Variants in CSMD3 observed in about 807,000 individuals in gnomAD.
CSMD3 encodes CUB and sushi domain-containing protein 3.
Under a neutral mutation model 435.2 loss-of-function variants are expected in CSMD3, and 177 were observed. The observed-to-expected ratio is 0.41, with a 90% CI of 0.36 to 0.46. CSMD3 has a LOEUF of 0.46. Among genes scored for constraint, CSMD3 ranks in the 20% least tolerant of loss-of-function variants. The pLI is 0.34. For synonymous variants in CSMD3, 1,656 were observed against 1,520.5 expected, an observed-to-expected ratio of 1.09 and a Z score of -2.07; for missense variants, 4,265 against 4,504.6, an observed-to-expected ratio of 0.95 and a Z score of 1.52.
chr8:112,945,603 T>TGC (rs1282567939), intron 9 of CSMD3, among the ~76,000 whole-genome samples: 1 of 150,510 alleles, frequency 6.6e-6, no homozygotes, highest in African/African-American at 2.5e-5. Context: ...TGTGTGTGTG[T>TGC]GTGTGTGTGT....
chr8:112,535,826 A>G (rs1280608813), intron 27 of CSMD3, among the ~76,000 whole-genome samples: 3 of 152,190 alleles, frequency 2.0e-5, no homozygotes, highest in Non-Finnish European at 2.9e-5. Context: ...AAACAGAGAT[A>G]TAGATCAATG....
chr8:113,147,482 T>C (rs1229447685), intron 4 of CSMD3, among the ~76,000 whole-genome samples: 1 of 151,660 alleles, frequency 6.6e-6, no homozygotes, highest in Non-Finnish European at 1.5e-5. Flanking sequence ...GATCTTAGTA[T>C]TTTGGATCTC....
At chr8:112,996,340 G>A (rs989226802) in intron 6 of CSMD3, among the ~76,000 whole-genome samples, 2 of 151,522 alleles carry the variant, frequency 1.3e-5, no homozygotes, top group African/African-American at 4.8e-5. Context: ...ATATAAATAA[G>A]ATAATGAAGT....
intron 59 of CSMD3, among the ~76,000 whole-genome samples, chr8:112,279,159 G>A (rs1818386917): frequency 6.6e-6 from 1 of 152,142 alleles, no homozygotes; most frequent in South Asian, 2.1e-4. Context: ...TCAACAGAAA[G>A]ATAAAATAAC....
chr8:112,472,793 A>G, intron 31 of CSMD3, 86 bp from the exon 32 acceptor site: 2 of 744,762 alleles, frequency 2.7e-6, no homozygotes, highest in Non-Finnish European at 4.9e-6. Flanking sequence ...TAAAAAATAT[A>G]TGGCTAATGG....
At chr8:112,318,576 C>T (rs1003677223) in intron 47 of CSMD3, among the ~76,000 whole-genome samples, 1 of 151,840 alleles carries the variant, frequency 6.6e-6, no homozygotes, top group African/African-American at 2.4e-5. Context: ...TCCCTAAGAG[C>T]AAAATAATTG....
intron 22 of CSMD3, among the ~76,000 whole-genome samples, chr8:112,629,947 G>A (rs1159585201): frequency 6.6e-6 from 1 of 152,124 alleles, no homozygotes; most frequent in Non-Finnish European, 1.5e-5. Context: ...GCTTGATGAA[G>A]TAAGCAGCTG....
At chr8:112,451,262 A>T (rs1816233840) in intron 32 of CSMD3, among the ~76,000 whole-genome samples, 2 of 152,188 alleles carry the variant, frequency 1.3e-5, no homozygotes, top group South Asian at 2.1e-4. Context: ...AAATGACTTT[A>T]AAAAAGTGAA....
chr8:113,288,990 AT>A (rs979403982), intron 2 of CSMD3, among the ~76,000 whole-genome samples: 22 of 151,882 alleles, frequency 1.4e-4, no homozygotes, highest in Admixed American at 1.4e-3. Context: ...GGTTCATCTA[AT>A]TATAAAAAAA....
At chr8:112,335,840 G>A (rs897329347) in intron 44 of CSMD3, among the ~76,000 whole-genome samples, 1 of 150,894 alleles carries the variant, frequency 6.6e-6, no homozygotes, top group Non-Finnish European at 1.5e-5. Context: ...GACTGTTAAA[G>A]TTACAACTCT....
At chr8:113,020,169 C>CAAAAAAAA (rs1163891165) in intron 5 of CSMD3, among the ~76,000 whole-genome samples, 1 of 84,634 alleles carries the variant, frequency 1.2e-5, no homozygotes, top group Admixed American at 1.3e-4. Context: ...GACTCCGTCT[C>CAAAAAAAA]AAAAAAAAAA....
intron 3 of CSMD3, among the ~76,000 whole-genome samples, chr8:113,274,347 T>C (rs1398626298): frequency 6.6e-6 from 1 of 152,134 alleles, no homozygotes; most frequent in African/African-American, 2.4e-5. Context: ...GTAGAGACTG[T>C]ATAACTCATT....
At chr8:113,338,802 T>C (rs2094096417) in intron 1 of CSMD3, among the ~76,000 whole-genome samples, 1 of 151,948 alleles carries the variant, frequency 6.6e-6, no homozygotes, top group Non-Finnish European at 1.5e-5. Context: ...TAGATCATAT[T>C]GATGCTTGCA....
chr8:113,289,433 T>C (rs952254930), intron 2 of CSMD3, among the ~76,000 whole-genome samples: 6 of 151,618 alleles, frequency 4.0e-5, no homozygotes, highest in African/African-American at 1.5e-4. Context: ...TCTTTTTGGA[T>C]GTAGAATTAG....
chr8:112,532,038 A>C (rs1825591663), intron 27 of CSMD3, among the ~76,000 whole-genome samples: 1 of 151,648 alleles, frequency 6.6e-6, no homozygotes, highest in Non-Finnish European at 1.5e-5. Flanking sequence ...ATAATTTAAA[A>C]AATCAAACAG....
chr8:112,545,713 A>C (rs909929557), intron 27 of CSMD3, among the ~76,000 whole-genome samples: 2 of 152,088 alleles, frequency 1.3e-5, no homozygotes, highest in East Asian at 3.9e-4. Context: ...TTTTGCACCA[A>C]CCTAATAGTA....
intron 3 of CSMD3, among the ~76,000 whole-genome samples, chr8:113,220,622 G>A: frequency 6.6e-6 from 1 of 151,464 alleles, no homozygotes; most frequent in East Asian, 1.9e-4. Flanking sequence ...GCTGGTTGAT[G>A]TGGTAATAAA....
At chr8:112,377,505 C>T (rs1829055506) in intron 38 of CSMD3, among the ~76,000 whole-genome samples, 2 of 152,030 alleles carry the variant, frequency 1.3e-5, no homozygotes, top group African/African-American at 2.4e-5. Context: ...TTATTGCAGT[C>T]AGCCCTGCCC....
At chr8:112,627,830 T>C (rs1834612728) in intron 22 of CSMD3, among the ~76,000 whole-genome samples, 1 of 152,116 alleles carries the variant, frequency 6.6e-6, no homozygotes, top group Admixed American at 6.6e-5. Context: ...CTGTCTTCTG[T>C]TCAGAATGAG....
Sources: allele counts gnomAD v4.1 joint callset (sites outside exome capture counted in the v4.1 genomes callset), GRCh38; gene constraint gnomAD v4.1.1; transcripts MANE v1.5; gene names NCBI Gene and HGNC (gene_info 2026-07-23, HGNC 2026-07-21).